Variants in PDE4D observed in about 807,000 individuals in gnomAD.
The protein encoded by PDE4D is phosphodiesterase 4D.
Under a neutral mutation model 87.4 loss-of-function variants are expected in PDE4D, and 24 were observed. The observed-to-expected ratio is 0.27, with a 90% CI of 0.20 to 0.39. PDE4D has a LOEUF of 0.39. PDE4D is among the 10% of genes least tolerant of loss of function. The pLI is 1.00. For synonymous variants in PDE4D, 384 were observed against 383.2 expected (o/e 1.00, Z -0.02); for missense variants, 714 against 1,041.0 (o/e 0.69, Z 4.32).
chr5:60,087,306 T>G (rs1253607429), intron 2 of PDE4D, among the ~76,000 whole-genome samples: 1 of 152,192 alleles, frequency 6.6e-6, no homozygotes, highest in Non-Finnish European at 1.5e-5. Flanking sequence ...AAGAGGTAGC[T>G]GACTCTTCAA....
chr5:59,288,100 T>C (rs1767331382), intron 1 of PDE4D, among the ~76,000 whole-genome samples: 2 of 151,842 alleles, frequency 1.3e-5, no homozygotes, highest in African/African-American at 2.4e-5. Context: ...CAGGAAAACA[T>C]GACATCACCA....
chr5:59,900,073 C>G (rs1251886518), intron 3 of PDE4D, among the ~76,000 whole-genome samples: 1 of 151,894 alleles, frequency 6.6e-6, no homozygotes, highest in Middle Eastern at 3.2e-3. Flanking sequence ...AACCCTGTCT[C>G]TACTAAAAAT....
chr5:59,992,597 C>T, intron 2 of PDE4D, among the ~76,000 whole-genome samples: 1 of 152,174 alleles, frequency 6.6e-6, no homozygotes, highest in East Asian at 1.9e-4. Context: ...AAGCATTTAG[C>T]TGCCTACTCT....
At chr5:59,394,685 A>T (rs1318126853) in intron 1 of PDE4D, among the ~76,000 whole-genome samples, 2 of 152,198 alleles carry the variant, frequency 1.3e-5, no homozygotes, top group Non-Finnish European at 2.9e-5. Context: ...AGTTCCAAGG[A>T]TTTAAAATCT....
intron 1 of PDE4D, among the ~76,000 whole-genome samples, chr5:60,470,842 A>G (rs932801455): frequency 6.6e-6 from 1 of 152,236 alleles, no homozygotes; most frequent in African/African-American, 2.4e-5. Context: ...TAGTCACTCA[A>G]GAGATCTGAT....
At chr5:59,542,695 T>C (rs1186111721) in intron 1 of PDE4D, among the ~76,000 whole-genome samples, 1 of 152,184 alleles carries the variant, frequency 6.6e-6, no homozygotes, top group African/African-American at 2.4e-5. Flanking sequence ...CCTGGGCTTG[T>C]ACACCATCCA....
At chr5:60,466,764 C>T (rs1237344663) in intron 1 of PDE4D, among the ~76,000 whole-genome samples, 4 of 152,018 alleles carry the variant, frequency 2.6e-5, no homozygotes, top group Non-Finnish European at 4.4e-5. Flanking sequence ...AATTTTTCAA[C>T]ATTTCCTACT....
At chr5:59,477,098 A>C (rs574587032) in intron 1 of PDE4D, among the ~76,000 whole-genome samples, 15 of 152,062 alleles carry the variant, frequency 9.9e-5, no homozygotes, top group African/African-American at 3.6e-4. Context: ...AATTGACAGA[A>C]TATATAAAGG....
chr5:60,488,020 T>A (rs771482769), exon 1 of PDE4D: 1 of 152,574 alleles, frequency 6.6e-6, no homozygotes, highest in Non-Finnish European at 1.5e-5. Flanking sequence ...CGACTACATA[T>A]GCATTAAGGC....
intron 3 of PDE4D, among the ~76,000 whole-genome samples, chr5:59,928,388 G>A (rs1276833639): frequency 6.6e-6 from 1 of 151,898 alleles, no homozygotes; most frequent in Non-Finnish European, 1.5e-5. Flanking sequence ...GACCAGCCTG[G>A]CCAACATCCT....
intron 1 of PDE4D, among the ~76,000 whole-genome samples, chr5:60,483,958 T>C (rs1031072886): frequency 6.6e-6 from 1 of 152,230 alleles, no homozygotes; most frequent in Non-Finnish European, 1.5e-5. Context: ...CACTGAAATG[T>C]AGGATGCAGC....
At chr5:60,390,646 T>TAA (rs35911590) in intron 1 of PDE4D, among the ~76,000 whole-genome samples, 6 of 138,712 alleles carry the variant, frequency 4.3e-5, no homozygotes, top group Non-Finnish European at 4.8e-5. Flanking sequence ...AATGATAATT[T>TAA]AAAAAAAAAA....
intron 1 of PDE4D, among the ~76,000 whole-genome samples, chr5:59,510,478 G>C (rs1404932997): frequency 6.6e-6 from 1 of 151,514 alleles, no homozygotes; most frequent in Non-Finnish European, 1.5e-5. Context: ...AGAGAAAACA[G>C]CAACAAAAAA....
chr5:60,170,538 T>A (rs1285657073), intron 2 of PDE4D, among the ~76,000 whole-genome samples: 1 of 151,838 alleles, frequency 6.6e-6, no homozygotes, highest in African/African-American at 2.4e-5. Context: ...TTGTTATGAG[T>A]TGCAAATAAG....
intron 1 of PDE4D, among the ~76,000 whole-genome samples, chr5:60,232,309 A>T (rs1745911998): frequency 6.6e-6 from 1 of 151,930 alleles, no homozygotes; most frequent in African/African-American, 2.4e-5. Flanking sequence ...TTAAGACAAT[A>T]ATTTAGATGC....
chr5:60,292,515 A>C (rs1227130056), intron 1 of PDE4D, among the ~76,000 whole-genome samples: 1 of 152,222 alleles, frequency 6.6e-6, no homozygotes, highest in East Asian at 1.9e-4. Context: ...AAACAATATA[A>C]AACACACTTC....
intron 1 of PDE4D, among the ~76,000 whole-genome samples, chr5:59,628,811 G>A (rs531447824): frequency 7.9e-4 from 121 of 152,246 alleles, no homozygotes; most frequent in Admixed American, 1.4e-3. Flanking sequence ...GTATTAGTCC[G>A]TTCTCATCCC....
At chr5:59,736,185 G>A (rs1182723286) in intron 1 of PDE4D, among the ~76,000 whole-genome samples, 1 of 151,396 alleles carries the variant, frequency 6.6e-6, no homozygotes. Context: ...TGATTCATCA[G>A]GTAGATATTG....
At chr5:60,458,345 C>T (rs201553739) in intron 1 of PDE4D, among the ~76,000 whole-genome samples, 1 of 145,190 alleles carries the variant, frequency 6.9e-6, no homozygotes, top group East Asian at 2.1e-4. Context: ...CGAGATGACA[C>T]CACTGCACTC....
Sources: gnomAD v4.1 joint callset for allele counts (sites outside exome capture counted in the v4.1 genomes callset) on GRCh38, gnomAD v4.1.1 for gene constraint, MANE v1.5 for transcripts, NCBI Gene and HGNC (gene_info 2026-07-23, HGNC 2026-07-21) for gene names.